Variants in ARHGAP20 observed in about 807,000 individuals in gnomAD.
ARHGAP20 encodes Rho GTPase activating protein 20.
A neutral mutation model predicts 73.7 loss-of-function variants in ARHGAP20; 34 were observed. The ratio of observed to expected loss-of-function variants is 0.46; its 90% CI spans 0.35 to 0.61. The LOEUF (loss-of-function observed/expected upper bound fraction) is 0.61. Ranked by LOEUF, ARHGAP20 falls within the 20% of genes least tolerant of loss-of-function variation. The pLI is 0.00. For synonymous variants in ARHGAP20, 523 were observed against 518.2 expected, an observed-to-expected ratio of 1.01 and a Z score of -0.13; for missense variants, 1,314 against 1,420.9, an observed-to-expected ratio of 0.92 and a Z score of 1.21.
At chr11:110,589,595 T>C (rs1947769333) in intron 11 of ARHGAP20, 3 of 985,318 alleles carry the variant, frequency 3.0e-6, no homozygotes, top group African/African-American at 3.5e-5. Flanking sequence ...CAGAAGATAC[T>C]GCTAAGGTCA....
At chr11:110,595,373 C>G (rs888993798) in intron 9 of ARHGAP20, among the ~76,000 whole-genome samples, 1 of 152,144 alleles carries the variant, frequency 6.6e-6, no homozygotes, top group African/African-American at 2.4e-5. Context: ...GCAGATGACA[C>G]GATTGTATAT....
At chr11:110,582,456 G>C in intron 13 of ARHGAP20, 21 bp from the exon 14 acceptor site, 1 of 1,440,632 alleles carries the variant, frequency 6.9e-7, no homozygotes. Flanking sequence ...AAGGACAAAC[G>C]AAGTATTACT....
intron 7 of ARHGAP20, among the ~76,000 whole-genome samples, chr11:110,610,084 C>A (rs989358137): frequency 6.6e-6 from 1 of 152,062 alleles, no homozygotes; most frequent in Non-Finnish European, 1.5e-5. Context: ...AAGAATGAAT[C>A]ATGTCAGTAA....
chr11:110,683,012 C>CAAA lies in ARHGAP20; in HGVS notation c.188+7534_188+7535insTTT, dbSNP rs1950065639. ...TCAGCAGAGATTTAAAAGTACCTAG[C>CAAA]ACAAAGTCTTGCAAACAGCCCAAAC... is the stretch of plus-strand genomic sequence containing the variant. On this transcript the variant is annotated intron_variant, in intron 2 of 14. Transcript: ENST00000683387. Among the ~76,000 whole-genome samples the CAAA allele has an allele frequency of 1.1e-4, 16 of 152,114 alleles. No individual in the cohort carries two copies. In the South Asian group the frequency reaches 3.3e-3, roughly 32 times the overall value.
At position 110,589,344 on chromosome 11, in the gene ARHGAP20, G is replaced by T. The variant is rs1947761626; in HGVS notation, c.1305+1304C>A. ...TCTAATTGCAAAAATTTATAGCAGGGTTTAAGAGCAGATATGGCTTATTTA... is the reference window on the plus strand; with the variant it reads ...TCTAATTGCAAAAATTTATAGCAGGTTTTAAGAGCAGATATGGCTTATTTA... On this transcript the variant is annotated intron_variant, in intron 11 of 14. Coordinates refer to ENST00000683387, the MANE Select transcript of ARHGAP20 (RefSeq NM_001384657.1). 4.2e-6 allele frequency: 4 copies of T among 959,772 alleles called. No individual in the cohort carries two copies. In the African/African-American group the frequency reaches 5.3e-5, roughly 13 times the overall value. The allele number at this position is 959,772 out of a possible 1,614,324, so 59.5% of individuals were successfully genotyped here. A position where few individuals can be genotyped will look rare whatever the true frequency, so the allele number is the denominator to read the frequency against.
intron 2 of ARHGAP20, among the ~76,000 whole-genome samples, chr11:110,676,339 G>A (rs1414135788): frequency 2.6e-5 from 4 of 152,198 alleles, no homozygotes; most frequent in Non-Finnish European, 5.9e-5. Flanking sequence ...AATTTATAAA[G>A]GAAAGAGGTT....
chr11:110,668,316 A>G lies in ARHGAP20; in HGVS notation c.188+22231T>C, dbSNP rs1949763339. Among the ~76,000 whole-genome samples, 5 of 152,298 alleles carry G rather than the reference A, an allele frequency of 3.3e-5. No individual in the cohort carries two copies. In the South Asian group the frequency reaches 1.0e-3, roughly 32 times the overall value. Reference sequence around the variant, plus strand: ...ATTGGTTGCATTTTTAAAAAGCAATAACATATTTTAAAATAAAGGTATACA... The same window carrying G: ...ATTGGTTGCATTTTTAAAAAGCAATGACATATTTTAAAATAAAGGTATACA... On this transcript the variant is annotated intron_variant, in intron 2 of 14. Transcript: ENST00000683387.
At chr11:110,598,757 G>C (rs1232501028) in intron 9 of ARHGAP20, among the ~76,000 whole-genome samples, 1 of 152,124 alleles carries the variant, frequency 6.6e-6, no homozygotes, top group Admixed American at 6.5e-5. Context: ...AGCTGGCAGG[G>C]GCTGGGGACA....
chr11:110,630,624 A>T lies in ARHGAP20; in HGVS notation c.353+4T>A. ...TGATAATCAGGAGTATATAGTATAC[A>T]TACTTGATTTTGGCCACAACAAACA... is the stretch of plus-strand genomic sequence containing the variant. On this transcript the variant is annotated splice_donor_region_variant and intron_variant, in intron 3 of 14. Coordinates refer to ENST00000683387, the MANE Select transcript of ARHGAP20 (RefSeq NM_001384657.1). The T allele has an allele frequency of 6.2e-7, 1 of 1,613,852 alleles. No individual in the cohort carries two copies. The highest frequency in any genetic ancestry group is 1.7e-4 in the Middle Eastern group (1 of 6,054).
chr11:110,677,130 G>T (rs2135083449), intron 2 of ARHGAP20, among the ~76,000 whole-genome samples: 1 of 152,246 alleles, frequency 6.6e-6, no homozygotes, highest in South Asian at 2.1e-4. Flanking sequence ...GTGCTTTGGG[G>T]CCTTACAAAC....
chr11:110,586,445 C>CAGA, intron 11 of ARHGAP20, 120 bp from the exon 12 acceptor site: 4 of 471,060 alleles, frequency 8.5e-6, no homozygotes, highest in Non-Finnish European at 1.5e-5. Flanking sequence ...GTGAACTACA[C>CAGA]AGAGCTCTGC....
intron 9 of ARHGAP20, among the ~76,000 whole-genome samples, chr11:110,596,946 G>C (rs1214790186): frequency 6.6e-6 from 1 of 152,094 alleles, no homozygotes; most frequent in African/African-American, 2.4e-5. Flanking sequence ...ATAGACCATG[G>C]AATACTATGC....
rs1215561118 is a variant in ARHGAP20, at chr11:110,581,065, C to CTGGTCAAGA, written c.1872_1880dup (p.Asp626_Gln627insHisLeuAsp). ...GGGTTAAAAGGCCTTCCACCTCGGG[C>CTGGTCAAGA]TGGTCAAGATCATAGTCACTGAGGG... On this transcript the variant is annotated inframe_insertion, in exon 15 of 15. Transcript: ENST00000683387. 6.2e-7 allele frequency: 1 copy of CTGGTCAAGA among 1,614,212 alleles called. No homozygotes were observed. Among genetic ancestry groups the CTGGTCAAGA allele is most frequent in the South Asian group, 1.1e-5 (1 of 91,082 alleles).
At position 110,663,844 on chromosome 11, in the gene ARHGAP20, T is replaced by C. The variant is rs376474580; in HGVS notation, c.188+26703A>G. Reference sequence around the variant, plus strand: ...CCTCTCATGAATACAGAGGTAAAAATTCTAAAAATACCCATCAGCAAACTG... The same window carrying C: ...CCTCTCATGAATACAGAGGTAAAAACTCTAAAAATACCCATCAGCAAACTG... On this transcript the variant is annotated intron_variant, in intron 2 of 14. Coordinates refer to ENST00000683387, the MANE Select transcript of ARHGAP20 (RefSeq NM_001384657.1). Among the ~76,000 whole-genome samples the C allele has an allele frequency of 7.2e-5, 11 of 152,112 alleles. 1 individual carries two copies. Among genetic ancestry groups the C allele is most frequent in the African/African-American group, 2.4e-4 (10 of 41,514 alleles).
At chr11:110,605,491 A>T (rs550562683) in intron 9 of ARHGAP20, among the ~76,000 whole-genome samples, 6 of 152,346 alleles carry the variant, frequency 3.9e-5, no homozygotes, top group Middle Eastern at 6.8e-3. Flanking sequence ...GTTTAAAACA[A>T]TCTTGGAGTG....
chr11:110,594,120 C>A (rs1183941629), intron 9 of ARHGAP20, among the ~76,000 whole-genome samples: 6 of 152,186 alleles, frequency 3.9e-5, no homozygotes, highest in Admixed American at 3.9e-4. Flanking sequence ...TTAGAATAAA[C>A]TACTTAACTA....
At chr11:110,641,501 TA>T (rs1949076986) in intron 2 of ARHGAP20, among the ~76,000 whole-genome samples, 1 of 152,026 alleles carries the variant, frequency 6.6e-6, no homozygotes, top group Non-Finnish European at 1.5e-5. Context: ...ATATATGAAT[TA>T]TATATAGTGA....
chr11:110,591,156 C>A (rs1947819243), intron 10 of ARHGAP20, among the ~76,000 whole-genome samples: 2 of 152,138 alleles, frequency 1.3e-5, no homozygotes, highest in Non-Finnish European at 2.9e-5. Flanking sequence ...TTTAAGTGTT[C>A]TCTAATTTTC....
rs116381971 is a variant in ARHGAP20 at position 110,582,276 on chromosome 11, C to G, written c.1720+45G>C. 7.5e-4 allele frequency: 1,083 copies of G among 1,448,728 alleles called. 7 individuals carry two copies. The African/African-American group carries it at 0.013, about 18-fold the overall frequency. 89.7% of individuals were successfully genotyped at this position (1,448,728 alleles called of 1,614,324 possible). A position where few individuals can be genotyped will look rare whatever the true frequency, so the allele number is the denominator to read the frequency against. On this transcript the variant is annotated intron_variant, in intron 14 of 14. Transcript: ENST00000683387. ...CTATCCCAGCACGTTTACAAACAACCATGTGTCTGTTTCTCACAAAAACCA... is the reference window on the plus strand; with the variant it reads ...CTATCCCAGCACGTTTACAAACAACGATGTGTCTGTTTCTCACAAAAACCA...
Sources: allele counts gnomAD v4.1 joint callset (sites outside exome capture counted in the v4.1 genomes callset), GRCh38; gene constraint gnomAD v4.1.1; transcripts MANE v1.5; gene names NCBI Gene and HGNC (gene_info 2026-07-23, HGNC 2026-07-21).